The following COL4A1 variants were observed in gnomAD, a reference collection of about 807,000 sequenced individuals.
COL4A1 encodes collagen type IV alpha 1 chain, also known as collagen alpha-1(IV) chain.
In COL4A1, 40 loss-of-function variants were observed where a neutral mutation model predicts 216.6. That is an observed-to-expected ratio of 0.18 (90% CI 0.14 to 0.24). The LOEUF (loss-of-function observed/expected upper bound fraction) is 0.24, where lower values mean the gene tolerates loss of function less well. Ranked by LOEUF, COL4A1 falls within the 10% of genes least tolerant of loss-of-function variation. COL4A1 has a pLI of 1.00. For synonymous variants in COL4A1, 839 were observed against 810.7 expected, an observed-to-expected ratio of 1.03 and a Z score of -0.59; for missense variants, 1,628 against 2,196.8, an observed-to-expected ratio of 0.74 and a Z score of 5.18.
At chr13:110,215,014 T>C (rs73611487) in intron 2 of COL4A1, among the ~76,000 whole-genome samples, 3,182 of 152,294 alleles carry the variant, frequency 0.021, 103 homozygotes, top group African/African-American at 0.074. Context: ...CTTGGGTAAA[T>C]AGAGTAACAA....
chr13:110,235,125 G>A (rs1388480447), intron 2 of COL4A1, among the ~76,000 whole-genome samples: 2 of 152,042 alleles, frequency 1.3e-5, no homozygotes, highest in African/African-American at 4.8e-5. Flanking sequence ...GGCACAGTGC[G>A]TCTCACATAT....
Position 110,187,267 on chromosome 13 carries a change from A to T in COL4A1, c.1599T>A (p.Phe533Leu). The change falls in exon 25 of 52, where the codon TTT (phenylalanine) becomes TTA (leucine). Residue 533 changes from phenylalanine to leucine, a missense_variant. Phe to Leu is a conservative substitution (Grantham distance 22). Around this residue, in one of 8 missense-constraint regions of COL4A1, gnomAD observed 701 missense variants for 892.5 expected, o/e 0.79. Coordinates refer to ENST00000375820, the MANE Select transcript of COL4A1 (RefSeq NM_001845.6). Reference protein sequence around the residue: ...QPGAKGEPGEFYFDLRLKGDK... With the variant: ...QPGAKGEPGELYFDLRLKGDK... The stretch of plus-strand genomic sequence containing the variant: ...CACCTTTGAGCCGCAAGTCGAAATA[A>T]AACTCACCAGGCTCCCCCTTGGCTC... 6.2e-7 allele frequency: 1 copy of T among 1,613,632 alleles called. No individual in the cohort carries two copies. The highest frequency in any genetic ancestry group is 2.2e-5 in the East Asian group (1 of 44,854).
At chr13:110,194,975 C>T (rs1310631790) in intron 22 of COL4A1, 48 bp downstream of exon 22, 1 of 1,550,274 alleles carries the variant, frequency 6.5e-7, no homozygotes, top group Non-Finnish European at 8.9e-7. Flanking sequence ...GGGAAAAAAT[C>T]ATACGCAAAG....
At chr13:110,178,676 G>A (rs1292459174) in intron 31 of COL4A1, among the ~76,000 whole-genome samples, 5 of 152,146 alleles carry the variant, frequency 3.3e-5, no homozygotes, top group Non-Finnish European at 7.4e-5. Flanking sequence ...AATGTGAAAC[G>A]TGACGGAGTA....
At chr13:110,256,949 A>T (rs1374363657) in intron 1 of COL4A1, among the ~76,000 whole-genome samples, 1 of 152,126 alleles carries the variant, frequency 6.6e-6, no homozygotes, top group Non-Finnish European at 1.5e-5. Context: ...CAGACACCAG[A>T]CATGTCTTTA....
In COL4A1 at chr13:110,152,406, C is replaced by T. The variant is rs747250117; in HGVS notation, c.4856G>A (p.Arg1619His). Reference protein sequence around the residue: ...RSAPFIECHGRGTCNYYANAY... With the variant: ...RSAPFIECHGHGTCNYYANAY... ...GTTTGCGTAGTAATTGCAGGTCCCA[C>T]GGCCGTGACACTCGATGAATGGCGC... The change falls in exon 51 of 52, where the codon CGT (arginine) becomes CAT (histidine). Residue 1619 changes from arginine to histidine, a missense_variant. Transcript: ENST00000375820. 6.9e-5 allele frequency: 111 copies of T among 1,614,078 alleles called. 2 individuals are homozygous for T. The highest frequency in any genetic ancestry group is 4.4e-4 in the South Asian group (40 of 91,090).
intron 1 of COL4A1, among the ~76,000 whole-genome samples, chr13:110,288,272 AAAAAT>A (rs759996657): frequency 7.4e-6 from 1 of 136,054 alleles, no homozygotes; most frequent in Non-Finnish European, 1.7e-5. Context: ...CAAAAAAAAA[AAAAAT>A]AATAATAATA....
rs35751015 is a variant in COL4A1 at position 110,198,078 on chromosome 13, G to GGTGTGTGTGT, written c.1285+379_1285+388dup. Among the ~76,000 whole-genome samples the GGTGTGTGTGT allele has an allele frequency of 4.1e-3, 585 of 141,930 alleles. 7 individuals are homozygous for GGTGTGTGTGT. The East Asian group carries it at 0.042, about 10-fold the overall frequency. The allele number at this position is 141,930 out of a possible 152,430, so 93.1% of individuals were successfully genotyped here. ...GTAATCCTGTCTTCCTTGTTTCTGG[G>GGTGTGTGTGT]GTGTGTGTGTGTGTGTGTGTGTGTG... On this transcript the variant is annotated intron_variant, in intron 21 of 51. Transcript: ENST00000375820.
rs952050696 is a variant in COL4A1 at position 110,153,645 on chromosome 13, C to A, written c.4756-1139G>T. On this transcript the variant is annotated intron_variant, in intron 50 of 51. Transcript: ENST00000375820. ...TATACAGCATTTTCAACCTTTCTGG[C>A]TCTCTCGATAAAGTAGTTACAATGC... Among the ~76,000 whole-genome samples the A allele has an allele frequency of 7.9e-5, 12 of 152,288 alleles. No homozygotes were observed. The East Asian group carries it at 2.1e-3, about 27-fold the overall frequency.
Position 110,222,456 on chromosome 13 carries a change from C to CT in COL4A1, c.145-8442dup, listed in dbSNP as rs1451494903. ...ACATTTTCCCCCAAATAAACTAAAC[C>CT]TCCCTGGTGGACCTTAAAGAATTAA... On this transcript the variant is annotated intron_variant, in intron 2 of 51. Coordinates refer to ENST00000375820, the MANE Select transcript of COL4A1 (RefSeq NM_001845.6). 3.3e-5 allele frequency among the ~76,000 whole-genome samples: 5 copies of CT among 152,110 alleles called. No homozygotes were observed. The East Asian group carries it at 9.7e-4, about 29-fold the overall frequency.
chr13:110,267,534 A>G (rs553729114), intron 1 of COL4A1, among the ~76,000 whole-genome samples: 1 of 152,262 alleles, frequency 6.6e-6, no homozygotes, highest in African/African-American at 2.4e-5. Context: ...AAGAGCTCTC[A>G]GTCTCTGGAG....
intron 1 of COL4A1, among the ~76,000 whole-genome samples, chr13:110,281,786 T>A (rs563181983): frequency 6.6e-6 from 1 of 152,198 alleles, no homozygotes; most frequent in Non-Finnish European, 1.5e-5. Flanking sequence ...GGAACATCAA[T>A]TCCCCTCTCA....
intron 49 of COL4A1, among the ~76,000 whole-genome samples, chr13:110,157,487 C>A (rs185464743): frequency 6.6e-6 from 1 of 152,334 alleles, no homozygotes; most frequent in Admixed American, 6.5e-5. Context: ...AGTTCAGTAA[C>A]CGTGGAAACC....
intron 1 of COL4A1, among the ~76,000 whole-genome samples, chr13:110,298,224 T>C (rs1389303284): frequency 1.3e-5 from 2 of 152,214 alleles, no homozygotes; most frequent in African/African-American, 4.8e-5. Context: ...AAAATCTAAT[T>C]ATTATGGAGG....
At position 110,211,203 on chromosome 13, in the gene COL4A1, C is replaced by T. The variant is rs1299374962; in HGVS notation, c.468+444G>A. ...ACATCCAGATGCCCGAGGTCCCCGC[C>T]CTGTGCCCAAGCACAGCCGACACAT... On this transcript the variant is annotated intron_variant, in intron 8 of 51. Coordinates refer to ENST00000375820, the MANE Select transcript of COL4A1 (RefSeq NM_001845.6). The surrounding 1 kb of genome is among the most constrained non-coding windows in gnomAD (Gnocchi z 4.3). 6.6e-6 allele frequency among the ~76,000 whole-genome samples: 1 copy of T among 152,216 alleles called. No homozygotes were observed. Among genetic ancestry groups the T allele is most frequent in the African/African-American group, 2.4e-5 (1 of 41,450 alleles).
In COL4A1 at chr13:110,219,864, G is replaced by A. The variant is rs61963273; in HGVS notation, c.145-5849C>T. Among the ~76,000 whole-genome samples the A allele has an allele frequency of 3.6e-3, 192 of 52,796 alleles. 2 individuals carry two copies. Among genetic ancestry groups the A allele is most frequent in the East Asian group, 0.028 (51 of 1,846 alleles). The allele number at this position is 52,796 out of a possible 152,430, so 34.6% of individuals were successfully genotyped here. On this transcript the variant is annotated intron_variant, in intron 2 of 51. Transcript: ENST00000375820. ...TATATGTGTATATATATGTATATAT[G>A]TGTGTGTATATATGTATATATATGT...
intron 1 of COL4A1, 146 bp from the exon 2 acceptor site, chr13:110,242,880 C>T: frequency 4.5e-6 from 4 of 897,416 alleles, no homozygotes; most frequent in Non-Finnish European, 7.3e-6. Context: ...CACTGGTTTT[C>T]ATGGGGCTGT....
At chr13:110,246,391 G>A (rs1032561289) in intron 1 of COL4A1, among the ~76,000 whole-genome samples, 1 of 143,706 alleles carries the variant, frequency 7.0e-6, no homozygotes, top group African/African-American at 2.6e-5. Flanking sequence ...CCTTCACTCA[G>A]GTGTAATGTA....
chr13:110,239,116 T>C (rs1368758183), intron 2 of COL4A1, among the ~76,000 whole-genome samples: 1 of 152,078 alleles, frequency 6.6e-6, no homozygotes, highest in African/African-American at 2.4e-5. Context: ...TGAAATCCAG[T>C]AGAAACCTGC....
Sources: allele counts gnomAD v4.1 joint callset (sites outside exome capture counted in the v4.1 genomes callset), GRCh38; gene constraint gnomAD v4.1.1; regional missense constraint gnomAD v4.1.1; non-coding constraint Gnocchi (gnomAD v3.1); transcripts MANE v1.5; gene names NCBI Gene and HGNC (gene_info 2026-07-23, HGNC 2026-07-21).